NELL1: variants seen among roughly 807,000 people sequenced by gnomAD.
NELL1 encodes protein kinase C-binding protein NELL1.
Under a neutral mutation model 107.4 loss-of-function variants are expected in NELL1, and 76 were observed. The ratio of observed to expected loss-of-function variants is 0.71; its 90% CI spans 0.59 to 0.86. The LOEUF (loss-of-function observed/expected upper bound fraction) is 0.86, where lower values mean the gene tolerates loss of function less well. NELL1 is among the 40% of genes least tolerant of loss of function. The probability of loss-of-function intolerance (pLI) is 0.00; values close to 1 mark genes in which losing one functional copy is unlikely to be tolerated. For missense variants in NELL1, 1,024 were observed against 1,005.5 expected, an observed-to-expected ratio of 1.02 and a Z score of -0.25; for synonymous variants, 353 against 341.2, an observed-to-expected ratio of 1.03 and a Z score of -0.38.
intron 15 of NELL1, among the ~76,000 whole-genome samples, chr11:21,380,052 T>G (rs539279838): frequency 3.2e-4 from 49 of 152,200 alleles, no homozygotes; most frequent in African/African-American, 1.2e-3. Flanking sequence ...GGGGGGAGAA[T>G]GAATGCAAAA....
chr11:21,259,922 G>A (rs1858862957), intron 14 of NELL1: 1 of 151,718 alleles, frequency 6.6e-6, no homozygotes, highest in African/African-American at 2.4e-5. Context: ...ATAAATTTGA[G>A]ATGTGATTTA....
At chr11:20,812,783 C>T (rs1208891631) in intron 3 of NELL1, among the ~76,000 whole-genome samples, 1 of 151,184 alleles carries the variant, frequency 6.6e-6, no homozygotes, top group Non-Finnish European at 1.5e-5. Flanking sequence ...CCGAGGCGGG[C>T]GGATCACGAG....
intron 12 of NELL1, among the ~76,000 whole-genome samples, chr11:21,073,592 G>A (rs926879083): frequency 6.6e-6 from 1 of 152,172 alleles, no homozygotes; most frequent in Non-Finnish European, 1.5e-5. Flanking sequence ...CATCACAGCT[G>A]TATGTGATCA....
intron 12 of NELL1, among the ~76,000 whole-genome samples, chr11:21,105,563 C>G (rs925852671): frequency 6.6e-6 from 1 of 152,146 alleles, no homozygotes; most frequent in Non-Finnish European, 1.5e-5. Context: ...GCCCGGATAG[C>G]CTTTTCCTAT....
chr11:20,834,857 C>T lies in NELL1; in HGVS notation c.336-12726C>T, dbSNP rs180995244. Among the ~76,000 whole-genome samples, 19 of 152,116 alleles carry T rather than the reference C, an allele frequency of 1.2e-4. No homozygotes were observed. In the East Asian group the frequency reaches 1.9e-3, roughly 15 times the overall value. On this transcript the variant is annotated intron_variant, in intron 3 of 19. Transcript: ENST00000357134. ...CAAATTTTGCATAACTGGTGACACC[C>T]GTGGGAGTGTTTGAACATTACCTGC...
chr11:20,697,967 C>A (rs115884360), intron 2 of NELL1, among the ~76,000 whole-genome samples: 2 of 152,116 alleles, frequency 1.3e-5, no homozygotes, highest in Non-Finnish European at 2.9e-5. Context: ...TGTTAAATGC[C>A]GATCTTCCAG....
chr11:21,551,673 T>G (rs1486821234), intron 16 of NELL1, among the ~76,000 whole-genome samples: 3 of 151,414 alleles, frequency 2.0e-5, no homozygotes, highest in Non-Finnish European at 1.5e-5. Context: ...ATAGGAACAC[T>G]TTTACACTGT....
intron 12 of NELL1, among the ~76,000 whole-genome samples, chr11:20,983,139 T>G (rs1479138406): frequency 6.6e-6 from 1 of 152,192 alleles, no homozygotes; most frequent in East Asian, 1.9e-4. Flanking sequence ...AAGTATTCGC[T>G]GTTTATAGTT....
intron 13 of NELL1, among the ~76,000 whole-genome samples, chr11:21,221,409 A>T (rs933612905): frequency 2.0e-5 from 3 of 152,168 alleles, no homozygotes; most frequent in African/African-American, 7.2e-5. Context: ...ATAAGTTAGG[A>T]AGAATTACCA....
At chr11:21,172,569 A>G (rs907513916) in intron 13 of NELL1, among the ~76,000 whole-genome samples, 1 of 151,724 alleles carries the variant, frequency 6.6e-6, no homozygotes, top group Non-Finnish European at 1.5e-5. Flanking sequence ...TTGTTTACAT[A>G]TCTAGTCCTG....
chr11:21,522,639 G>A (rs952997559), intron 15 of NELL1, among the ~76,000 whole-genome samples: 2 of 152,072 alleles, frequency 1.3e-5, no homozygotes, highest in Non-Finnish European at 2.9e-5. Flanking sequence ...ATGGACACAC[G>A]AGAAGCCCTG....
intron 13 of NELL1, among the ~76,000 whole-genome samples, chr11:21,153,866 C>A (rs1220807673): frequency 6.6e-6 from 1 of 152,142 alleles, no homozygotes; most frequent in Non-Finnish European, 1.5e-5. Context: ...CTAGTTATTT[C>A]TCTTTAGAAG....
chr11:21,305,520 GCTTCCAAAA>G (rs960791922), intron 14 of NELL1, among the ~76,000 whole-genome samples: 2 of 151,846 alleles, frequency 1.3e-5, no homozygotes, highest in Non-Finnish European at 2.9e-5. Flanking sequence ...TCAAAAGTGT[GCTTCCAAAA>G]CATAAAAAGA....
chr11:21,209,384 T>C lies in NELL1; in HGVS notation c.1427-19948T>C, dbSNP rs556938558. The stretch of plus-strand genomic sequence containing the variant: ...ATTACTTCTTACCCCCATATTACTA[T>C]CAAATAAATGGTTTTTTTCAATTAA... On this transcript the variant is annotated intron_variant, in intron 13 of 19. Transcript: ENST00000357134. Among the ~76,000 whole-genome samples, 25 of 149,776 alleles carry C rather than the reference T, an allele frequency of 1.7e-4. No individual in the cohort carries two copies. In the South Asian group the frequency reaches 5.0e-3, roughly 30 times the overall value.
At chr11:21,160,311 TA>T (rs1312937094) in intron 13 of NELL1, among the ~76,000 whole-genome samples, 1 of 152,194 alleles carries the variant, frequency 6.6e-6, no homozygotes, top group African/African-American at 2.4e-5. Context: ...TCTTAGCTAA[TA>T]TTTTTTTTTA....
intron 14 of NELL1, among the ~76,000 whole-genome samples, chr11:21,305,310 T>G (rs1849583163): frequency 6.6e-6 from 1 of 152,008 alleles, no homozygotes; most frequent in Non-Finnish European, 1.5e-5. Context: ...TCGTCCTTAT[T>G]TATGGTAATT....
chr11:21,540,080 G>A (rs1856253342), intron 16 of NELL1, among the ~76,000 whole-genome samples: 1 of 151,958 alleles, frequency 6.6e-6, no homozygotes, highest in Admixed American at 6.6e-5. Flanking sequence ...GCATATTTAT[G>A]GGGTATATGT....
At chr11:21,283,200 G>A (rs1269222992) in intron 14 of NELL1, among the ~76,000 whole-genome samples, 1 of 152,094 alleles carries the variant, frequency 6.6e-6, no homozygotes, top group African/African-American at 2.4e-5. Flanking sequence ...AAAGATAAAT[G>A]TTTGAGGTGA....
intron 3 of NELL1, among the ~76,000 whole-genome samples, chr11:20,786,850 T>C (rs530944555): frequency 4.6e-5 from 7 of 150,812 alleles, no homozygotes; most frequent in Non-Finnish European, 7.4e-5. Context: ...CTACTAAAAA[T>C]ACAAAAAATT....
Sources: gnomAD v4.1 joint callset for allele counts (sites outside exome capture counted in the v4.1 genomes callset) on GRCh38, gnomAD v4.1.1 for gene constraint, MANE v1.5 for transcripts, NCBI Gene and HGNC (gene_info 2026-07-23, HGNC 2026-07-21) for gene names.